The following RFC5 variants were observed in gnomAD, a reference collection of about 807,000 sequenced individuals.
RFC5 encodes replication factor C subunit 5, also known as A1 36 kDa subunit.
Under a neutral mutation model 44.3 loss-of-function variants are expected in RFC5, and 26 were observed. The observed-to-expected ratio is 0.59, with a 90% CI of 0.43 to 0.81. The LOEUF is 0.81. Ranked by LOEUF, RFC5 falls within the 40% of genes least tolerant of loss-of-function variation. RFC5 has a pLI of 0.00. For synonymous variants in RFC5, 155 were observed against 155.2 expected, an observed-to-expected ratio of 1.00 and a Z score of 0.01; for missense variants, 328 against 418.6, an observed-to-expected ratio of 0.78 and a Z score of 1.89.
intron 5 of RFC5, among the ~76,000 whole-genome samples, chr12:118,023,441 TGAG>T (rs1352144670): frequency 2.1e-4 from 3 of 14,106 alleles, no homozygotes; most frequent in Admixed American, 9.9e-4. Flanking sequence ...GAGGAGGGGG[TGAG>T]GAGGAGGAGG....
intron 1 of RFC5, chr12:118,017,770 A>G (rs1403789790): frequency 3.0e-6 from 2 of 656,402 alleles, no homozygotes; most frequent in Non-Finnish European, 5.5e-6. Context: ...ATTGGGGTTC[A>G]AGCCATTCTC....
intron 6 of RFC5, chr12:118,025,327 T>G: frequency 6.0e-6 from 2 of 332,574 alleles, no homozygotes; most frequent in Non-Finnish European, 1.1e-5. Flanking sequence ...GCTTCCAGCC[T>G]TTTTAGACTA....
At chr12:118,023,992 A>C (rs1275230877) in intron 5 of RFC5, among the ~76,000 whole-genome samples, 1 of 151,890 alleles carries the variant, frequency 6.6e-6, no homozygotes, top group African/African-American at 2.4e-5. Context: ...TGAGGCAGGC[A>C]TATCACCTGA....
chr12:118,026,892 A>G lies in RFC5; in HGVS notation c.667A>G (p.Thr223Ala). The change falls in exon 8 of 11, where the codon ACC becomes GCC. Residue 223 changes from threonine (T) to alanine (A), a missense_variant. Physicochemically the swap from Thr to Ala is moderately conservative, Grantham distance 58. Coordinates refer to ENST00000454402, the MANE Select transcript of RFC5 (RefSeq NM_007370.7). The stretch of plus-strand genomic sequence containing the variant: ...CTTTCCCCCTCTGTCTACACAGAGC[A>G]CCAATATGGCCTTTGGGAAGGTGAC... Reference protein sequence around the residue: ...MRRALNILQSTNMAFGKVTEE... With the variant: ...MRRALNILQSANMAFGKVTEE... 1 of 1,613,914 alleles carries G rather than the reference A, an allele frequency of 6.2e-7. No individual in the cohort carries two copies. Among genetic ancestry groups the G allele is most frequent in the Non-Finnish European group, 8.5e-7 (1 of 1,179,948 alleles).
At chr12:118,034,009 A>T, downstream of RFC5, 1 of 754,970 alleles carries the variant, frequency 1.3e-6, no homozygotes, top group Non-Finnish European at 2.1e-6. Context: ...TCTAAGACTG[A>T]CTTTCACATG....
chr12:118,034,942 TCAG>T, downstream of RFC5: 1 of 1,584,874 alleles, frequency 6.3e-7, no homozygotes, highest in Non-Finnish European at 8.7e-7. Context: ...CATGGTATAC[TCAG>T]CAGAAAGCAC....
chr12:118,025,930 C>A, intron 7 of RFC5, 102 bp downstream of exon 7: 1 of 700,696 alleles, frequency 1.4e-6, no homozygotes, highest in Non-Finnish European at 2.5e-6. Flanking sequence ...CTCACTGCAA[C>A]CTCCGCCTCC....
chr12:118,022,058 G>T (rs576735434), intron 4 of RFC5, among the ~76,000 whole-genome samples: 3 of 152,296 alleles, frequency 2.0e-5, no homozygotes, highest in African/African-American at 7.2e-5. Context: ...GATGCCAGAG[G>T]ACACAGCGCA....
At position 118,019,359 on chromosome 12, in the gene RFC5, C is replaced by T. The variant is rs1439351585; in HGVS notation, c.130+223C>T. Among the ~76,000 whole-genome samples, 2 of 152,152 alleles carry T rather than the reference C, an allele frequency of 1.3e-5. No homozygotes were observed. Among genetic ancestry groups the T allele is most frequent in the Non-Finnish European group, 1.5e-5 (1 of 68,032 alleles). ...ACACAGTGGAGTAAAAATAGCATTA[C>T]GGAGAATCATTTAAGTTCACAGATG... On this transcript the variant is annotated intron_variant, in intron 2 of 10. Transcript: ENST00000454402. This position sits in a 1 kb window ranked among gnomAD's most constrained non-coding sequence, Gnocchi z 4.2.
At position 118,019,173 on chromosome 12, in the gene RFC5, G is replaced by C; in HGVS notation, c.130+37G>C. ...TGTGTCAGTTGCTCTTGTCCTGCTT[G>C]AGCGACTTGTATAAATTGCTTGGTG... On this transcript the variant is annotated intron_variant, in intron 2 of 10. Transcript: ENST00000454402. This position sits in a 1 kb window ranked among gnomAD's most constrained non-coding sequence, Gnocchi z 4.2. The C allele has an allele frequency of 6.9e-7, 1 of 1,457,202 alleles. No homozygotes were observed. Among genetic ancestry groups the C allele is most frequent in the Non-Finnish European group, 9.6e-7 (1 of 1,038,192 alleles). 90.3% of individuals were successfully genotyped at this position (1,457,202 alleles called of 1,614,324 possible).
At chr12:118,040,978 G>A in the RFC5 span, among the ~76,000 whole-genome samples, 2 of 152,254 alleles carry the variant, frequency 1.3e-5, no homozygotes, top group African/African-American at 4.8e-5. Flanking sequence ...GAACCTGGGA[G>A]GCGGAGGTTG....
chr12:118,027,333 T>G (rs1593450189), intron 8 of RFC5: 1 of 270,032 alleles, frequency 3.7e-6, no homozygotes, highest in East Asian at 8.8e-5. Context: ...ATAGCTCTTG[T>G]GCTGTGAAAT....
At chr12:118,028,658 GTCTGTCTATCTA>G in intron 9 of RFC5, among the ~76,000 whole-genome samples, 1 of 141,358 alleles carries the variant, frequency 7.1e-6, no homozygotes, top group Non-Finnish European at 1.5e-5. Flanking sequence ...AAAAAAAAAA[GTCTGTCTATCTA>G]TCTGTCTATC....
In RFC5 at chr12:118,019,946, G is replaced by A. The variant is rs5745816; in HGVS notation, c.267+178G>A. Among the ~76,000 whole-genome samples, 3,540 of 152,220 alleles carry A rather than the reference G, an allele frequency of 0.023. 78 individuals are homozygous for A. The highest frequency in any genetic ancestry group is 0.08 in the South Asian group (386 of 4,812). On this transcript the variant is annotated intron_variant, in intron 3 of 10. Coordinates refer to ENST00000454402, the MANE Select transcript of RFC5 (RefSeq NM_007370.7). The surrounding 1 kb of genome is among the most constrained non-coding windows in gnomAD (Gnocchi z 4.2). Reference sequence around the variant, plus strand: ...AATGGTCATTTTGGTCTGGATTAGCGTTGGTCAGCTAGAGGGCAGTTGTAG... The same window carrying A: ...AATGGTCATTTTGGTCTGGATTAGCATTGGTCAGCTAGAGGGCAGTTGTAG...
At chr12:118,038,225 A>T in the RFC5 span, 1 of 1,505,434 alleles carries the variant, frequency 6.6e-7, no homozygotes, top group South Asian at 1.2e-5. Context: ...ACTCACACAC[A>T]CCAGGCCACC....
intron 3 of RFC5, among the ~76,000 whole-genome samples, chr12:118,020,221 G>A (rs1440576905): frequency 6.6e-6 from 1 of 152,188 alleles, no homozygotes; most frequent in East Asian, 1.9e-4. Flanking sequence ...CCTTCCCTGG[G>A]GGCTGACACA....
rs1421595095 is a variant in RFC5 at position 118,024,331 on chromosome 12, ACT to A, written c.422-517_422-516del. 2.0e-5 allele frequency among the ~76,000 whole-genome samples: 3 copies of A among 147,124 alleles called. No homozygotes were observed. In the Admixed American group the frequency reaches 2.1e-4, roughly 10 times the overall value. On this transcript the variant is annotated intron_variant, in intron 5 of 10. Coordinates refer to ENST00000454402, the MANE Select transcript of RFC5 (RefSeq NM_007370.7). ...ACTCCAGCCTGGGCAACAGAGCGAGACTCTGTTTCAAAAAAGAAAAAAGAGGA... is the reference window on the plus strand; with the variant it reads ...ACTCCAGCCTGGGCAACAGAGCGAGACTGTTTCAAAAAAGAAAAAAGAGGA...
In RFC5 at chr12:118,031,218, G is replaced by A; in HGVS notation, c.963G>A (p.Gln321=). 1.2e-6 allele frequency: 2 copies of A among 1,614,102 alleles called. No individual in the cohort carries two copies. Among genetic ancestry groups the A allele is most frequent in the African/African-American group, 1.3e-5 (1 of 75,042 alleles). The change falls in exon 11 of 11, where the codon CAG becomes CAA. Residue 321 remains glutamine (Q), a synonymous_variant. Coordinates refer to ENST00000454402, the MANE Select transcript of RFC5 (RefSeq NM_007370.7). ...CTGTTGGCACCAACGAGAAGATCCA[G>A]CTGAGCTCCCTCATTGCTGCATTTC... The part of the protein sequence containing the change: ...RLSVGTNEKI[Q]LSSLIAAFQV...
intron 10 of RFC5, among the ~76,000 whole-genome samples, chr12:118,030,553 G>A (rs759611391): frequency 4.6e-5 from 7 of 152,158 alleles, no homozygotes; most frequent in Admixed American, 3.3e-4. Context: ...GTATTTTGCC[G>A]ACGAAATAAT....
Sources: allele counts gnomAD v4.1 joint callset (sites outside exome capture counted in the v4.1 genomes callset), GRCh38; gene constraint gnomAD v4.1.1; non-coding constraint Gnocchi (gnomAD v3.1); transcripts MANE v1.5; gene names NCBI Gene and HGNC (gene_info 2026-07-23, HGNC 2026-07-21).